PDE10A: variants seen among roughly 807,000 people sequenced by gnomAD.
PDE10A encodes phosphodiesterase 10A.
A neutral mutation model predicts 97.7 loss-of-function variants in PDE10A; 39 were observed. The ratio of observed to expected loss-of-function variants is 0.40; its 90% CI spans 0.31 to 0.52. The LOEUF (loss-of-function observed/expected upper bound fraction) is 0.52, where lower values mean the gene tolerates loss of function less well. PDE10A is among the 20% of genes least tolerant of loss of function. PDE10A has a pLI of 0.56. For synonymous variants in PDE10A, 371 were observed against 376.8 expected (o/e 0.98, Z 0.18); for missense variants, 731 against 1,047.8 (o/e 0.70, Z 4.17).
In PDE10A at chr6:165,655,533, C is replaced by T. The variant is rs1260159131; in HGVS notation, c.865+6414G>A. Among the ~76,000 whole-genome samples, 1 of 151,860 alleles carries T rather than the reference C, an allele frequency of 6.6e-6. No individual in the cohort carries two copies. The highest frequency in any genetic ancestry group is 6.6e-5 in the Admixed American group (1 of 15,254). On this transcript the variant is annotated intron_variant, in intron 1 of 21. Coordinates refer to ENST00000539869, the MANE Select transcript of PDE10A (RefSeq NM_001385079.1). This position sits in a 1 kb window ranked among gnomAD's most constrained non-coding sequence, Gnocchi z 4.5. ...CCACCTGCAGGTCTTATACACGCCACCTCCAAACACCTCCTGAACCACCGC... is the reference window on the plus strand; with the variant it reads ...CCACCTGCAGGTCTTATACACGCCATCTCCAAACACCTCCTGAACCACCGC...
intron 18 of PDE10A, among the ~76,000 whole-genome samples, chr6:165,378,782 C>A (rs1242826602): frequency 6.6e-6 from 1 of 152,216 alleles, no homozygotes; most frequent in Non-Finnish European, 1.5e-5. Context: ...CCAGTTTCTA[C>A]ACCAATCACA....
chr6:165,352,284 A>T (rs936631759), intron 18 of PDE10A, among the ~76,000 whole-genome samples: 2 of 152,230 alleles, frequency 1.3e-5, no homozygotes, highest in Non-Finnish European at 2.9e-5. Flanking sequence ...ACAAATAAGG[A>T]TGCCTGGCTC....
At chr6:165,544,893 C>T (rs1034021638) in intron 1 of PDE10A, among the ~76,000 whole-genome samples, 2 of 151,772 alleles carry the variant, frequency 1.3e-5, no homozygotes, top group Non-Finnish European at 2.9e-5. Context: ...AGATCTCTGG[C>T]TATATTCACC....
intron 1 of PDE10A, among the ~76,000 whole-genome samples, chr6:165,637,662 G>T (rs1562649266): frequency 6.6e-6 from 1 of 152,168 alleles, no homozygotes; most frequent in African/African-American, 2.4e-5. Context: ...TGCGTCAATA[G>T]TGCAAGCTTC....
Position 165,343,272 on chromosome 6 carries a change from G to A in PDE10A, c.2895+119C>T. 3 of 717,934 alleles carry A rather than the reference G, an allele frequency of 4.2e-6. No individual in the cohort carries two copies. The South Asian group carries it at 4.9e-5, about 12-fold the overall frequency. 44.5% of individuals were successfully genotyped at this position (717,934 alleles called of 1,614,324 possible). ...ATAAGTGCTAAATCCTTCAGTATGT[G>A]ACTCACCACAGTTCTCTGAAATAAC... On this transcript the variant is annotated intron_variant, in intron 19 of 21. Transcript: ENST00000539869.
At chr6:165,406,244 G>GTGTGTGTGTGTT (rs1787150731) in intron 13 of PDE10A, among the ~76,000 whole-genome samples, 1 of 151,540 alleles carries the variant, frequency 6.6e-6, no homozygotes, top group South Asian at 2.1e-4. Context: ...GTGTGTGTGT[G>GTGTGTGTGTGTT]TGTGTGTGTG....
chr6:165,347,333 AT>A (rs1782380832), intron 18 of PDE10A, among the ~76,000 whole-genome samples: 2 of 152,210 alleles, frequency 1.3e-5, no homozygotes, highest in Admixed American at 1.3e-4. Context: ...TTCCAATAAC[AT>A]AAATAACTTT....
chr6:165,382,119 A>G (rs963343971), intron 17 of PDE10A, among the ~76,000 whole-genome samples: 1 of 152,128 alleles, frequency 6.6e-6, no homozygotes, highest in African/African-American at 2.4e-5. Context: ...TCTTAACTCT[A>G]TGGAAGCACA....
intron 20 of PDE10A, among the ~76,000 whole-genome samples, chr6:165,336,942 G>A (rs541173030): frequency 3.8e-4 from 58 of 151,792 alleles, no homozygotes; most frequent in Non-Finnish European, 7.7e-4. Context: ...GGCTCTTTCC[G>A]CCCTCGTGCT....
intron 10 of PDE10A, among the ~76,000 whole-genome samples, chr6:165,420,091 C>T (rs1406153123): frequency 6.6e-6 from 1 of 152,202 alleles, no homozygotes; most frequent in African/African-American, 2.4e-5. Flanking sequence ...AGCCTGTGAG[C>T]TACAGAAACA....
chr6:165,802,376 C>G (rs1391474878), intron 1 of PDE10A, among the ~76,000 whole-genome samples: 1 of 152,208 alleles, frequency 6.6e-6, no homozygotes, highest in Non-Finnish European at 1.5e-5. Context: ...CCAAGTTTGT[C>G]ACACCTCTGT....
At chr6:165,900,533 C>G (rs1243199923) in intron 1 of PDE10A, among the ~76,000 whole-genome samples, 1 of 152,060 alleles carries the variant, frequency 6.6e-6, no homozygotes, top group Admixed American at 6.6e-5. Flanking sequence ...CACATCATCT[C>G]TCTCTCTCTC....
At chr6:165,894,258 T>A (rs761470933) in intron 1 of PDE10A, 1 of 455,420 alleles carries the variant, frequency 2.2e-6, no homozygotes, top group Non-Finnish European at 4.4e-6. Context: ...GTGGCAGGTT[T>A]TTCAGTGATT....
At chr6:165,457,492 G>C (rs1778027476) in intron 3 of PDE10A, among the ~76,000 whole-genome samples, 2 of 152,084 alleles carry the variant, frequency 1.3e-5, no homozygotes, top group Non-Finnish European at 2.9e-5. Context: ...CTGAACGATA[G>C]AACTGTAGTG....
At chr6:165,431,578 A>G (rs1789572765) in intron 7 of PDE10A, 106 bp from the exon 8 acceptor site, 2 of 323,708 alleles carry the variant, frequency 6.2e-6, no homozygotes, top group Non-Finnish European at 1.1e-5. Context: ...TAACATATAT[A>G]TACTATATAT....
At chr6:165,707,265 G>A (rs941251749) in intron 1 of PDE10A, among the ~76,000 whole-genome samples, 3 of 152,152 alleles carry the variant, frequency 2.0e-5, no homozygotes, top group Non-Finnish European at 4.4e-5. Context: ...CCAGGGGATG[G>A]GTGGCGGGCA....
chr6:165,936,919 T>C (rs575591765), intron 1 of PDE10A, among the ~76,000 whole-genome samples: 28 of 152,350 alleles, frequency 1.8e-4, no homozygotes, highest in Non-Finnish European at 3.5e-4. Flanking sequence ...TTGGAAAGAA[T>C]GTGCAGGTGG....
intron 1 of PDE10A, among the ~76,000 whole-genome samples, chr6:165,870,897 G>A (rs923916683): frequency 1.3e-5 from 2 of 152,164 alleles, no homozygotes; most frequent in Non-Finnish European, 2.9e-5. Flanking sequence ...AGCTAAAAAT[G>A]TTGATCTCAT....
At chr6:165,786,572 A>C (rs78144474) in intron 1 of PDE10A, among the ~76,000 whole-genome samples, 2,420 of 152,332 alleles carry the variant, frequency 0.016, 61 homozygotes, top group African/African-American at 0.055. Flanking sequence ...ATCTTCCTGC[A>C]GCTTTTAGAA....
Sources: allele counts gnomAD v4.1 joint callset (sites outside exome capture counted in the v4.1 genomes callset), GRCh38; gene constraint gnomAD v4.1.1; non-coding constraint Gnocchi (gnomAD v3.1); transcripts MANE v1.5; gene names NCBI Gene and HGNC (gene_info 2026-07-23, HGNC 2026-07-21).